Variants in MRM1 observed in about 807,000 individuals in gnomAD.
The protein encoded by MRM1 is rRNA methyltransferase 1, mitochondrial.
In MRM1, 24 loss-of-function variants were observed where a neutral mutation model predicts 25.0. That is an observed-to-expected ratio of 0.96 (90% CI 0.69 to 1.35). MRM1 has a LOEUF of 1.35. MRM1 is among the 40% of genes most tolerant of loss of function. MRM1 has a pLI of 0.00. For missense variants in MRM1, 431 were observed against 464.1 expected, an observed-to-expected ratio of 0.93 and a Z score of 0.65; for synonymous variants, 188 against 199.2, an observed-to-expected ratio of 0.94 and a Z score of 0.47.
chr17:36,625,023 C>T, the MRM1 span, among the ~76,000 whole-genome samples: 137 of 152,312 alleles, frequency 9.0e-4, no homozygotes, highest in African/African-American at 3.2e-3. Context: ...AGTCAGGGAA[C>T]CCACCTAGCT....
At chr17:36,630,551 C>A in the MRM1 span, among the ~76,000 whole-genome samples, 1 of 152,158 alleles carries the variant, frequency 6.6e-6, no homozygotes, top group South Asian at 2.1e-4. Context: ...TGCTTGCCTA[C>A]TTCCCTCACA....
the MRM1 span, among the ~76,000 whole-genome samples, chr17:36,623,716 C>T: frequency 6.6e-6 from 1 of 152,180 alleles, no homozygotes; most frequent in African/African-American, 2.4e-5. Flanking sequence ...ATCCTGGGGG[C>T]TCCCTGGTTG....
the MRM1 span, among the ~76,000 whole-genome samples, chr17:36,631,471 G>T: frequency 1.3e-5 from 2 of 152,226 alleles, no homozygotes; most frequent in Non-Finnish European, 1.5e-5. Flanking sequence ...CCCTGTTTAG[G>T]CATGTGACCT....
intron 2 of MRM1, among the ~76,000 whole-genome samples, chr17:36,604,498 T>G (rs2074910013): frequency 6.6e-6 from 1 of 151,966 alleles, no homozygotes; most frequent in Non-Finnish European, 1.5e-5. Context: ...CGGATCTCTT[T>G]TGTTGTTGTT....
chr17:36,616,587 C>T, the MRM1 span, among the ~76,000 whole-genome samples: 3 of 152,212 alleles, frequency 2.0e-5, no homozygotes, highest in South Asian at 6.2e-4. Flanking sequence ...AACAGTCTCG[C>T]TTCAGTGAGT....
At chr17:36,615,333 A>G in the MRM1 span, among the ~76,000 whole-genome samples, 1 of 152,142 alleles carries the variant, frequency 6.6e-6, no homozygotes, top group Non-Finnish European at 1.5e-5. Flanking sequence ...CATGAGAAGC[A>G]GTACCTTTGT....
At chr17:36,634,236 A>G in the MRM1 span, 1 of 152,288 alleles carries the variant, frequency 6.6e-6, no homozygotes, top group East Asian at 1.9e-4. Context: ...ACATGTTTCC[A>G]TTCTGATCAG....
At chr17:36,610,197 G>T (rs1341870406), downstream of MRM1, among the ~76,000 whole-genome samples, 1 of 149,136 alleles carries the variant, frequency 6.7e-6, no homozygotes, top group Non-Finnish European at 1.5e-5. Flanking sequence ...CAAAGTGCTG[G>T]CATTACAGGT....
the MRM1 span, among the ~76,000 whole-genome samples, chr17:36,616,985 C>T: frequency 1.3e-5 from 2 of 152,166 alleles, no homozygotes; most frequent in Non-Finnish European, 1.5e-5. Context: ...CTCGGCCTCC[C>T]GAGTAGCTGG....
chr17:36,606,688 A>G (rs1270456894), intron 2 of MRM1, among the ~76,000 whole-genome samples: 14 of 150,734 alleles, frequency 9.3e-5, no homozygotes, highest in Admixed American at 9.3e-4. Flanking sequence ...GCTCACTGCA[A>G]CCTCCGCCTC....
chr17:36,605,542 C>A lies in MRM1; in HGVS notation c.637-2128C>A, dbSNP rs148938676. Among the ~76,000 whole-genome samples the A allele has an allele frequency of 4.0e-5, 6 of 151,266 alleles. No individual in the cohort carries two copies. In the South Asian group the frequency reaches 1.3e-3, roughly 32 times the overall value. On this transcript the variant is annotated intron_variant, in intron 2 of 4. Coordinates refer to ENST00000614766, the MANE Select transcript of MRM1 (RefSeq NM_024864.5). ...CTAGTCTCATGGCTTTAAATACTAT[C>A]TGAATTCAAATTCCCGCCCAAGTGT...
chr17:36,628,188 A>G, the MRM1 span, among the ~76,000 whole-genome samples: 54 of 152,272 alleles, frequency 3.5e-4, 1 homozygote, highest in South Asian at 0.01. Flanking sequence ...GGGTCCCCCT[A>G]TGTTGCTCAG....
chr17:36,606,677 A>C (rs2142839269), intron 2 of MRM1, among the ~76,000 whole-genome samples: 1 of 148,090 alleles, frequency 6.8e-6, no homozygotes, highest in East Asian at 2.0e-4. Flanking sequence ...GTGTGCTCTC[A>C]GCTCACTGCA....
At chr17:36,622,590 T>G in the MRM1 span, among the ~76,000 whole-genome samples, 21 of 148,992 alleles carry the variant, frequency 1.4e-4, no homozygotes, top group Admixed American at 1.4e-3. Flanking sequence ...AAAAAAAAAA[T>G]TCAAACCTCA....
the MRM1 span, among the ~76,000 whole-genome samples, chr17:36,627,674 G>GTTTTCTT: frequency 3.6e-5 from 3 of 83,710 alleles, no homozygotes; most frequent in Non-Finnish European, 6.7e-5. Flanking sequence ...TTTGGACACT[G>GTTTTCTT]TTTTTTTTTT....
chr17:36,622,445 A>G, the MRM1 span, among the ~76,000 whole-genome samples: 4 of 152,022 alleles, frequency 2.6e-5, no homozygotes, highest in Non-Finnish European at 4.4e-5. Flanking sequence ...GGTGGTGCGC[A>G]CCTGTAATCC....
chr17:36,609,616 A>G (rs1318151622), downstream of MRM1, among the ~76,000 whole-genome samples: 1 of 152,180 alleles, frequency 6.6e-6, no homozygotes, highest in Non-Finnish European at 1.5e-5. Context: ...CTTCTAAGAG[A>G]CAAAAATCTC....
chr17:36,617,011 C>A, the MRM1 span, among the ~76,000 whole-genome samples: 3 of 152,194 alleles, frequency 2.0e-5, no homozygotes, highest in East Asian at 3.9e-4. Context: ...CAGGCATGAA[C>A]CACCGCCCAG....
chr17:36,629,358 C>T, the MRM1 span, among the ~76,000 whole-genome samples: 8 of 152,156 alleles, frequency 5.3e-5, no homozygotes, highest in Non-Finnish European at 5.9e-5. Context: ...AGTCTGAGGG[C>T]GTCTCCCCTT....
Sources: allele counts gnomAD v4.1 joint callset (sites outside exome capture counted in the v4.1 genomes callset), GRCh38; gene constraint gnomAD v4.1.1; transcripts MANE v1.5; gene names NCBI Gene and HGNC (gene_info 2026-07-23, HGNC 2026-07-21).